NCOR2: variants seen among roughly 807,000 people sequenced by gnomAD.
NCOR2 encodes the protein nuclear receptor corepressor 2.
NCOR2 carries 81 observed loss-of-function variants against 262.9 expected under a neutral mutation model. That is an observed-to-expected ratio of 0.31 (90% CI 0.26 to 0.37). The LOEUF (loss-of-function observed/expected upper bound fraction) is 0.37. Among genes scored for constraint, NCOR2 ranks in the 10% least tolerant of loss-of-function variants. The probability of loss-of-function intolerance (pLI) is 1.00; values close to 1 mark genes in which losing one functional copy is unlikely to be tolerated. For synonymous variants in NCOR2, 1,659 were observed against 1,559.3 expected (o/e 1.06, Z -1.51); for missense variants, 3,385 against 3,621.4 (o/e 0.93, Z 1.68).
intron 34 of NCOR2, among the ~76,000 whole-genome samples, chr12:124,341,594 C>T (rs534243344): frequency 2.0e-5 from 3 of 152,278 alleles, no homozygotes; most frequent in South Asian, 2.1e-4. Flanking sequence ...CACAGATGCA[C>T]GCACACCCAC....
intron 6 of NCOR2, among the ~76,000 whole-genome samples, chr12:124,452,278 G>C (rs561886950): frequency 6.6e-6 from 1 of 152,344 alleles, no homozygotes; most frequent in East Asian, 1.9e-4. Flanking sequence ...CTGTGAAGAT[G>C]CCCATGCTGT....
intron 1 of NCOR2, among the ~76,000 whole-genome samples, chr12:124,487,277 C>T (rs11057635): frequency 0.43 from 65,173 of 152,100 alleles, 16,258 homozygotes; most frequent in Non-Finnish European, 0.55. Flanking sequence ...AAACACCCGA[C>T]AGCCAGCGAG....
chr12:124,325,264 G>A (rs1461119095), exon 47 of NCOR2: 7 of 507,856 alleles, frequency 1.4e-5, no homozygotes, highest in Admixed American at 4.4e-5. Context: ...GGCTCTGGAC[G>A]GACAGATGGA....
rs200465730 is a variant in NCOR2, at chr12:124,449,812, C to T, written c.815+3G>A. ...GTCTGCACGGCTGCCCGCGAGCACT[C>T]ACATTTTGATGTTCTCATGATACTG... is the stretch of plus-strand genomic sequence containing the variant. On this transcript the variant is annotated splice_donor_region_variant and intron_variant, in intron 7 of 46. Coordinates refer to ENST00000405201, the Ensembl canonical transcript of NCOR2. The T allele has an allele frequency of 3.1e-6, 5 of 1,614,078 alleles. No individual in the cohort carries two copies. In the African/African-American group the frequency reaches 6.7e-5, roughly 22 times the overall value.
intron 19 of NCOR2, 74 bp from the exon 22 acceptor site, chr12:124,372,684 C>T (rs2039593886): frequency 1.4e-6 from 2 of 1,385,396 alleles, no homozygotes; most frequent in Admixed American, 1.9e-5. Context: ...TGGCCCTGAC[C>T]CTCCGGATGA....
rs1035148774 is a variant in NCOR2, at chr12:124,517,678, G to T, written c.-118+17887C>A. Among the ~76,000 whole-genome samples, 5 of 152,202 alleles carry T rather than the reference G, an allele frequency of 3.3e-5. No homozygotes were observed. Among genetic ancestry groups the T allele is most frequent in the African/African-American group, 4.8e-5 (2 of 41,462 alleles). On this transcript the variant is annotated intron_variant, in intron 1 of 46. Coordinates refer to the NCOR2 transcript ENST00000404621. This position sits in a 1 kb window ranked among gnomAD's most constrained non-coding sequence, Gnocchi z 7.6. ...GAAGCCCCCTGAGCCCCCAAGGCTC[G>T]CCATGCTCCCCCCCAGGGACGCCGG...
At chr12:124,438,309 G>A (rs1013453564) in intron 7 of NCOR2, among the ~76,000 whole-genome samples, 16 of 152,076 alleles carry the variant, frequency 1.1e-4, no homozygotes, top group Non-Finnish European at 1.6e-4. Context: ...ATCTGCCCAC[G>A]GAAAGATGGC....
In NCOR2 at chr12:124,402,010, C is replaced by T. The variant is rs76570607; in HGVS notation, c.1640+394G>A. Among the ~76,000 whole-genome samples the T allele has an allele frequency of 1.1e-3, 166 of 152,336 alleles. 2 individuals carry two copies. The East Asian group carries it at 0.03, about 27-fold the overall frequency. Reference sequence around the variant, plus strand: ...ACAGCAGCCGCCTGCACACCTAGTCCTTCCAGGAGGGCCTCTGATCCCCCT... The same window carrying T: ...ACAGCAGCCGCCTGCACACCTAGTCTTTCCAGGAGGGCCTCTGATCCCCCT... On this transcript the variant is annotated intron_variant, in intron 14 of 46. Transcript: ENST00000405201.
chr12:124,372,203 T>C (rs1438062508), exon 20 of NCOR2: 2 of 1,601,760 alleles, frequency 1.2e-6, no homozygotes, highest in Admixed American at 3.3e-5. Context: ...TCCTTGCCCT[T>C]GGCCGGCCCC....
At chr12:124,479,516 T>TGCGCGCACACGCACGCACAC (rs2047313686) in intron 3 of NCOR2, among the ~76,000 whole-genome samples, 2 of 147,006 alleles carry the variant, frequency 1.4e-5, no homozygotes, top group Non-Finnish European at 3.0e-5. Flanking sequence ...CACACGCACA[T>TGCGCGCACACGCACGCACAC]GCGCGCACAC....
At chr12:124,380,608 G>C (rs1465207886) in intron 17 of NCOR2, among the ~76,000 whole-genome samples, 1 of 152,196 alleles carries the variant, frequency 6.6e-6, no homozygotes, top group Non-Finnish European at 1.5e-5. Flanking sequence ...GGCTCCCCCT[G>C]CTTCCCGAAT....
At chr12:124,334,334 C>A in intron 41 of NCOR2, 90 bp downstream of exon 43, 3 of 960,286 alleles carry the variant, frequency 3.1e-6, no homozygotes, top group Non-Finnish European at 4.6e-6. Context: ...GCCTCATATG[C>A]AGCTGAGCTC....
At chr12:124,472,109 G>A (rs1265920947) in intron 4 of NCOR2, among the ~76,000 whole-genome samples, 1 of 152,216 alleles carries the variant, frequency 6.6e-6, no homozygotes, top group Non-Finnish European at 1.5e-5. Flanking sequence ...TTGGGGGTGT[G>A]TGTTCCTGTA....
intron 7 of NCOR2, among the ~76,000 whole-genome samples, chr12:124,446,184 C>T (rs2045157390): frequency 6.6e-6 from 1 of 152,160 alleles, no homozygotes; most frequent in Non-Finnish European, 1.5e-5. Context: ...TGCAGATTTC[C>T]TGAACATTAT....
intron 1 of NCOR2, among the ~76,000 whole-genome samples, chr12:124,502,972 G>T (rs143482845): frequency 2.4e-4 from 37 of 152,350 alleles, no homozygotes; most frequent in African/African-American, 8.9e-4. Flanking sequence ...TCACTTGGCA[G>T]AAAGGTCATT....
At chr12:124,502,322 A>G (rs772420200) in intron 1 of NCOR2, among the ~76,000 whole-genome samples, 10 of 152,366 alleles carry the variant, frequency 6.6e-5, no homozygotes, top group Middle Eastern at 3.4e-3. Context: ...ACAGCAGTGA[A>G]TTACTGATCC....
chr12:124,384,547 C>T (rs1052076717), intron 17 of NCOR2, among the ~76,000 whole-genome samples: 7 of 152,186 alleles, frequency 4.6e-5, no homozygotes, highest in African/African-American at 1.7e-4. Flanking sequence ...CCACCAGCGG[C>T]CGCGCGCACA....
At chr12:124,417,178 C>G (rs11057616) in intron 13 of NCOR2, among the ~76,000 whole-genome samples, 1,395 of 28,706 alleles carry the variant, frequency 0.049, 2 homozygotes, top group East Asian at 0.063. Context: ...TCACTCCACG[C>G]AGAGCAGGCC....
At chr12:124,428,362 C>A (rs2043716932) in intron 10 of NCOR2, among the ~76,000 whole-genome samples, 1 of 152,190 alleles carries the variant, frequency 6.6e-6, no homozygotes, top group African/African-American at 2.4e-5. Flanking sequence ...AAAAACGTAC[C>A]ACGAGAAGTT....
Sources: allele counts gnomAD v4.1 joint callset (sites outside exome capture counted in the v4.1 genomes callset), GRCh38; gene constraint gnomAD v4.1.1; non-coding constraint Gnocchi (gnomAD v3.1); transcripts MANE v1.5; gene names NCBI Gene and HGNC (gene_info 2026-07-23, HGNC 2026-07-21).